The following MEGF10 variants were observed in gnomAD, a reference collection of about 807,000 sequenced individuals.
MEGF10 encodes multiple epidermal growth factor-like domains protein 10.
In MEGF10, 86 loss-of-function variants were observed where a neutral mutation model predicts 147.5. That is an observed-to-expected ratio of 0.58 (90% CI 0.49 to 0.70). The LOEUF (loss-of-function observed/expected upper bound fraction) is 0.70. MEGF10 is among the 30% of genes least tolerant of loss of function. The pLI is 0.00. For synonymous variants in MEGF10, 478 were observed against 525.5 expected (o/e 0.91, Z 1.24); for missense variants, 1,329 against 1,487.3 (o/e 0.89, Z 1.75).
intron 1 of MEGF10, among the ~76,000 whole-genome samples, chr5:127,302,315 C>T (rs1298816952): frequency 6.6e-6 from 1 of 152,130 alleles, no homozygotes; most frequent in Non-Finnish European, 1.5e-5. Flanking sequence ...ATGTATGATA[C>T]ATGCTACAAC....
intron 2 of MEGF10, among the ~76,000 whole-genome samples, chr5:127,336,832 A>C (rs1561578843): frequency 6.6e-6 from 1 of 152,014 alleles, no homozygotes; most frequent in Non-Finnish European, 1.5e-5. Flanking sequence ...TTCTTATAGC[A>C]TATGTGGTAA....
chr5:127,401,731 GA>G (rs1171406915), intron 7 of MEGF10, among the ~76,000 whole-genome samples: 1 of 152,160 alleles, frequency 6.6e-6, no homozygotes, highest in Non-Finnish European at 1.5e-5. Context: ...GCCAAGTGAA[GA>G]AGAAAACAAG....
At chr5:127,374,083 A>G (rs557113431) in intron 5 of MEGF10, among the ~76,000 whole-genome samples, 1 of 152,354 alleles carries the variant, frequency 6.6e-6, no homozygotes, top group East Asian at 1.9e-4. Context: ...GGTATGCTAG[A>G]GAAGCTGTCC....
chr5:127,371,861 G>C (rs562135457), intron 5 of MEGF10, among the ~76,000 whole-genome samples: 2 of 152,238 alleles, frequency 1.3e-5, no homozygotes, highest in East Asian at 3.9e-4. Context: ...TTGGCTTTAT[G>C]ATGAACAAAA....
In MEGF10 at chr5:127,337,739, A is replaced by G. The variant is rs147593019; in HGVS notation, c.117-1381A>G. Among the ~76,000 whole-genome samples the G allele has an allele frequency of 1.1e-3, 172 of 152,134 alleles. 1 individual carries two copies. The highest frequency in any genetic ancestry group is 3.5e-3 in the Admixed American group (53 of 15,248). On this transcript the variant is annotated intron_variant, in intron 2 of 24. Coordinates refer to ENST00000503335, the MANE Select transcript of MEGF10 (RefSeq NM_001256545.2). Reference sequence around the variant, plus strand: ...GATTCAGGATGCTAAATAAGAGGGGATCTTCAACACCATCTCTGACTCCTT... The same window carrying G: ...GATTCAGGATGCTAAATAAGAGGGGGTCTTCAACACCATCTCTGACTCCTT...
At chr5:127,390,446 C>T (rs371452844) in intron 5 of MEGF10, among the ~76,000 whole-genome samples, 1 of 152,134 alleles carries the variant, frequency 6.6e-6, no homozygotes, top group East Asian at 1.9e-4. Context: ...CAAGCCAGCA[C>T]GCTGGGCTAA....
At chr5:127,368,885 AT>A (rs1174469164) in intron 4 of MEGF10, among the ~76,000 whole-genome samples, 1 of 152,134 alleles carries the variant, frequency 6.6e-6, no homozygotes, top group Non-Finnish European at 1.5e-5. Context: ...ATATGATTCT[AT>A]TTTTTTGAGG....
intron 13 of MEGF10, among the ~76,000 whole-genome samples, chr5:127,430,806 G>T (rs1483297866): frequency 6.6e-6 from 1 of 152,180 alleles, no homozygotes; most frequent in African/African-American, 2.4e-5. Context: ...TCTTCACATA[G>T]ATTAGGCATT....
chr5:127,438,614 G>T, intron 17 of MEGF10, 47 bp downstream of exon 17: 1 of 1,604,586 alleles, frequency 6.2e-7, no homozygotes. Flanking sequence ...CCTTGTCCAA[G>T]GAGGAAACAG....
intron 22 of MEGF10, 47 bp from the exon 23 acceptor site, chr5:127,454,519 C>G (rs1279322602): frequency 1.3e-6 from 2 of 1,563,252 alleles, no homozygotes; most frequent in Admixed American, 2.0e-5. Context: ...TGGGGTTTTT[C>G]TTCCTTTCAG....
At chr5:127,312,969 C>T (rs1760360796) in intron 1 of MEGF10, among the ~76,000 whole-genome samples, 1 of 152,122 alleles carries the variant, frequency 6.6e-6, no homozygotes, top group Non-Finnish European at 1.5e-5. Flanking sequence ...CAAATGTCTT[C>T]ATTAAGGTTG....
At chr5:127,267,832 G>A in the MEGF10 span, among the ~76,000 whole-genome samples, 7 of 152,082 alleles carry the variant, frequency 4.6e-5, no homozygotes, top group East Asian at 1.4e-3. Context: ...TATTAGTCTT[G>A]CAAGCAGTCT....
chr5:127,352,196 G>C (rs1039832597), intron 4 of MEGF10, among the ~76,000 whole-genome samples: 5 of 152,230 alleles, frequency 3.3e-5, no homozygotes, highest in African/African-American at 1.2e-4. Flanking sequence ...CCAAATTGCT[G>C]TCCAGACAGG....
chr5:127,448,998 G>A, intron 21 of MEGF10, 101 bp from the exon 22 acceptor site: 16 of 1,483,928 alleles, frequency 1.1e-5, no homozygotes, highest in Non-Finnish European at 1.5e-5. Context: ...TCTAAGGACT[G>A]GTCCTCAATA....
At chr5:127,341,530 G>A (rs546455278) in intron 4 of MEGF10, among the ~76,000 whole-genome samples, 2 of 152,078 alleles carry the variant, frequency 1.3e-5, no homozygotes, top group Non-Finnish European at 2.9e-5. Context: ...CCATTTATAC[G>A]TCTTGGAGGT....
rs369070879 is a variant in MEGF10 at position 127,311,981 on chromosome 5, C to T, written c.-18-19310C>T. ...GTGCACTTTAAAAAGTCATAATTAC[C>T]GCAGGAGCTAGGAAATGCTTTAAAT... On this transcript the variant is annotated intron_variant, in intron 1 of 24. Transcript: ENST00000503335. Among the ~76,000 whole-genome samples the T allele has an allele frequency of 1.2e-4, 19 of 152,252 alleles. No homozygotes were observed. In the East Asian group the frequency reaches 3.1e-3, roughly 25 times the overall value.
At chr5:127,439,295 C>T (rs1409458123) in intron 17 of MEGF10, among the ~76,000 whole-genome samples, 4 of 152,080 alleles carry the variant, frequency 2.6e-5, no homozygotes, top group Non-Finnish European at 5.9e-5. Flanking sequence ...CTCTTACCTT[C>T]GGTTGAATAA....
chr5:127,236,209 G>A, the MEGF10 span, among the ~76,000 whole-genome samples: 1 of 152,164 alleles, frequency 6.6e-6, no homozygotes, highest in Non-Finnish European at 1.5e-5. Context: ...TTGACCTTAT[G>A]ATCTGCCCAC....
At chr5:127,440,716 T>A in intron 17 of MEGF10, 23 bp from the exon 18 acceptor site, 1 of 1,612,754 alleles carries the variant, frequency 6.2e-7, no homozygotes, top group Non-Finnish European at 8.5e-7. Context: ...TCTTGACTCC[T>A]ACTGTCCTCC....
Sources: allele counts gnomAD v4.1 joint callset (sites outside exome capture counted in the v4.1 genomes callset), GRCh38; gene constraint gnomAD v4.1.1; transcripts MANE v1.5; gene names NCBI Gene and HGNC (gene_info 2026-07-23, HGNC 2026-07-21).